The following NAV2 variants were observed in gnomAD, a reference collection of about 807,000 sequenced individuals.
NAV2 encodes helicase, APC down-regulated 1.
A neutral mutation model predicts 223.2 loss-of-function variants in NAV2; 54 were observed. That is an observed-to-expected ratio of 0.24 (90% CI 0.19 to 0.30). The LOEUF (loss-of-function observed/expected upper bound fraction) is 0.30, where lower values mean the gene tolerates loss of function less well. NAV2 is among the 10% of genes least tolerant of loss of function. The pLI is 1.00. For missense variants in NAV2, 2,806 were observed against 3,147.5 expected, an observed-to-expected ratio of 0.89 and a Z score of 2.60; for synonymous variants, 1,279 against 1,239.3, an observed-to-expected ratio of 1.03 and a Z score of -0.67.
Position 20,044,130 on chromosome 11 carries a change from C to A in NAV2, c.3057C>A (p.Ser1019=), listed in dbSNP as rs754463021. ...ATCCTTCTGATGTGTCTGACGAGTC[C>A]GACAAAAGCACGTCGGGCAAGAAGA... ...RRNPSDVSDE[S]DKSTSGKKNP... Residue 1019 remains serine, a synonymous_variant, in exon 13 of 38, where the codon TCC becomes TCA. Transcript: ENST00000349880. The A allele has an allele frequency of 6.2e-7, 1 of 1,614,098 alleles. No homozygotes were observed. Among genetic ancestry groups the A allele is most frequent in the South Asian group, 1.1e-5 (1 of 91,084 alleles).
rs750246042 is a variant in NAV2, at chr11:20,049,033, C to A, written c.4208C>A (p.Ser1403Tyr). Residue 1403 changes from serine to tyrosine, a missense_variant, in exon 15 of 38, where the codon TCT becomes TAT. By Grantham distance (144) the Ser-to-Tyr change is moderately radical. Around this residue, in one of 4 missense-constraint regions of NAV2, gnomAD observed 742 missense variants for 777.9 expected, o/e 0.95. Coordinates refer to ENST00000349880, the MANE Select transcript of NAV2 (RefSeq NM_145117.5). ...AGCAAGGATGGCCTGGGCTTTCAGT[C>A]TGTCAGCAGCCTCCACACCAGCTGT... ...AVSKDGLGFQ[S>Y]VSSLHTSCES... 25 of 1,614,044 alleles carry A rather than the reference C, an allele frequency of 1.5e-5. No individual in the cohort carries two copies. Among genetic ancestry groups the A allele is most frequent in the Non-Finnish European group, 2.0e-5 (24 of 1,180,048 alleles).
intron 6 of NAV2, among the ~76,000 whole-genome samples, chr11:19,911,752 G>A (rs1193409420): frequency 6.6e-6 from 1 of 152,136 alleles, no homozygotes; most frequent in African/African-American, 2.4e-5. Context: ...GGACAGAGCT[G>A]CAGCAAAGGC....
At chr11:19,413,886 C>T (rs577408347) in intron 1 of NAV2, among the ~76,000 whole-genome samples, 2 of 152,180 alleles carry the variant, frequency 1.3e-5, no homozygotes, top group South Asian at 4.2e-4. Flanking sequence ...GATTTTACCA[C>T]CACCAGGCCT....
intron 1 of NAV2, chr11:19,503,381 T>C (rs919834389): frequency 6.6e-6 from 1 of 152,250 alleles, no homozygotes; most frequent in Non-Finnish European, 1.5e-5. Context: ...AAATGTGTAA[T>C]GATAAGTATC....
upstream of NAV2, among the ~76,000 whole-genome samples, chr11:19,712,787 G>A (rs750140570): frequency 8.4e-4 from 128 of 151,760 alleles, 2 homozygotes; most frequent in Non-Finnish European, 1.4e-3. Flanking sequence ...TGGGCGCGCC[G>A]GGGCGGCCCC....
intron 1 of NAV2, among the ~76,000 whole-genome samples, chr11:19,452,295 T>G (rs1348370977): frequency 6.6e-6 from 1 of 152,224 alleles, no homozygotes; most frequent in Non-Finnish European, 1.5e-5. Context: ...AACTGCCATG[T>G]GCCAGGTATC....
chr11:19,917,683 G>T (rs1159486537), intron 6 of NAV2, among the ~76,000 whole-genome samples: 2 of 152,198 alleles, frequency 1.3e-5, no homozygotes, highest in Non-Finnish European at 2.9e-5. Context: ...CACGATCTCA[G>T]CTCACTGCAA....
intron 1 of NAV2, among the ~76,000 whole-genome samples, chr11:19,678,823 T>C (rs2048794827): frequency 6.6e-6 from 1 of 152,186 alleles, no homozygotes; most frequent in East Asian, 1.9e-4. Flanking sequence ...AGATCTTATT[T>C]GTGTAAGACA....
chr11:20,002,098 G>T (rs970144834), intron 11 of NAV2, among the ~76,000 whole-genome samples: 2 of 152,156 alleles, frequency 1.3e-5, no homozygotes. Flanking sequence ...CGTTCACATG[G>T]CAGAAAGAGG....
At chr11:20,035,899 T>TCAGCCTGAGCTGGAA in intron 11 of NAV2, 60 bp from the exon 12 acceptor site, 1 of 1,605,246 alleles carries the variant, frequency 6.2e-7, no homozygotes, top group Non-Finnish European at 8.5e-7. Flanking sequence ...GTCTGTGTCA[T>TCAGCCTGAGCTGGAA]CAGCCTGAGC....
intron 6 of NAV2, among the ~76,000 whole-genome samples, chr11:19,908,482 C>T (rs1252020154): frequency 1.3e-5 from 2 of 152,206 alleles, no homozygotes; most frequent in Non-Finnish European, 2.9e-5. Context: ...ATGCCTCTAT[C>T]CTCTGCAGCA....
chr11:20,019,983 T>C (rs144847612), intron 11 of NAV2, among the ~76,000 whole-genome samples: 321 of 142,774 alleles, frequency 2.2e-3, no homozygotes, highest in East Asian at 9.0e-3. Context: ...GAGGAGAATA[T>C]GGGCATGAGG....
rs141545349 is a variant in NAV2, at chr11:19,596,107, G to A, written c.76-236377G>A. Among the ~76,000 whole-genome samples the A allele has an allele frequency of 1.4e-3, 215 of 152,282 alleles. 2 individuals carry two copies. The highest frequency in any genetic ancestry group is 0.012 in the Admixed American group (179 of 15,296). On this transcript the variant is annotated intron_variant, in intron 1 of 37. Coordinates refer to the NAV2 transcript ENST00000360655. ...ACCCAGTAATGGGCTGCAACCCACGGTTTTGGAAAAGACAGTGCTCTAAAA... is the reference window on the plus strand; with the variant it reads ...ACCCAGTAATGGGCTGCAACCCACGATTTTGGAAAAGACAGTGCTCTAAAA...
At chr11:19,596,635 G>A (rs1002548918) in intron 1 of NAV2, among the ~76,000 whole-genome samples, 11 of 152,194 alleles carry the variant, frequency 7.2e-5, no homozygotes, top group African/African-American at 2.2e-4. Flanking sequence ...GAACCAGCTC[G>A]CTGGGTTTGT....
In NAV2 at chr11:19,873,666, G is replaced by A. The variant is rs79160053; in HGVS notation, c.511+4669G>A. 6.3e-3 allele frequency among the ~76,000 whole-genome samples: 963 copies of A among 152,194 alleles called. 11 individuals are homozygous for A. The highest frequency in any genetic ancestry group is 0.022 in the African/African-American group (923 of 41,498). ...GAAAGCAGGAGGTCTTTCTGGACCC[G>A]TACGGTGAAAGCAGCAGGTGGAACA... On this transcript the variant is annotated intron_variant, in intron 4 of 37. Transcript: ENST00000349880.
At chr11:20,057,787 G>A (rs1372796) in intron 19 of NAV2, among the ~76,000 whole-genome samples, 14,800 of 152,224 alleles carry the variant, frequency 0.097, 753 homozygotes, top group Middle Eastern at 0.16. Flanking sequence ...TTACAGTATC[G>A]TCATCAGATA....
chr11:19,385,510 C>T (rs1849000779), intron 1 of NAV2, among the ~76,000 whole-genome samples: 1 of 152,180 alleles, frequency 6.6e-6, no homozygotes, highest in African/African-American at 2.4e-5. Context: ...TTTCAAAATA[C>T]ACCTGACAAC....
chr11:20,103,577 C>T, intron 33 of NAV2, 76 bp from the exon 34 acceptor site: 1 of 1,541,670 alleles, frequency 6.5e-7, no homozygotes, highest in Non-Finnish European at 9.0e-7. Context: ...AGCACAGGGC[C>T]ATGGGCCTCT....
intron 1 of NAV2, among the ~76,000 whole-genome samples, chr11:19,433,089 G>A (rs1389041523): frequency 6.6e-6 from 1 of 152,160 alleles, no homozygotes; most frequent in Non-Finnish European, 1.5e-5. Flanking sequence ...AGAGGACTTT[G>A]GGGCAGAGAC....
Sources: allele counts gnomAD v4.1 joint callset (sites outside exome capture counted in the v4.1 genomes callset), GRCh38; gene constraint gnomAD v4.1.1; regional missense constraint gnomAD v4.1.1; transcripts MANE v1.5; gene names NCBI Gene and HGNC (gene_info 2026-07-23, HGNC 2026-07-21).